Variants in SNX29 observed in about 807,000 individuals in gnomAD.
The protein encoded by SNX29 is sorting nexin 29, also known as sorting nexin-29.
Under a neutral mutation model 102.1 loss-of-function variants are expected in SNX29, and 78 were observed. The ratio of observed to expected loss-of-function variants is 0.76; its 90% CI spans 0.64 to 0.92. SNX29 has a LOEUF of 0.92. SNX29 is among the 40% of genes least tolerant of loss of function. SNX29 has a pLI of 0.00. For missense variants in SNX29, 1,280 were observed against 1,061.7 expected, an observed-to-expected ratio of 1.21 and a Z score of -2.86; for synonymous variants, 580 against 414.5, an observed-to-expected ratio of 1.40 and a Z score of -4.85.
intron 16 of SNX29, among the ~76,000 whole-genome samples, chr16:12,388,590 GTCTC>G (rs2083415105): frequency 1.3e-5 from 2 of 152,340 alleles, no homozygotes; most frequent in Middle Eastern, 3.4e-3. Context: ...GGGTCACGCT[GTCTC>G]TCTCACTGTT....
chr16:12,566,033 C>T (rs576298599), intron 20 of SNX29, among the ~76,000 whole-genome samples: 1 of 152,336 alleles, frequency 6.6e-6, no homozygotes, highest in African/African-American at 2.4e-5. Context: ...TGACACAGGT[C>T]ATGTGTTTGA....
intron 1 of SNX29, among the ~76,000 whole-genome samples, chr16:11,983,491 A>G (rs2055474720): frequency 1.3e-5 from 2 of 152,164 alleles, no homozygotes; most frequent in African/African-American, 2.4e-5. Context: ...GAATGAATGA[A>G]TGAAAAAAGA....
At chr16:12,441,036 G>A (rs1018494511) in intron 18 of SNX29, among the ~76,000 whole-genome samples, 3 of 150,622 alleles carry the variant, frequency 2.0e-5, no homozygotes, top group Admixed American at 2.0e-4. Flanking sequence ...CTTTCACTTA[G>A]CGTAATATCC....
At chr16:12,512,364 G>T in intron 19 of SNX29, among the ~76,000 whole-genome samples, 1 of 76,958 alleles carries the variant, frequency 1.3e-5, no homozygotes, top group East Asian at 3.3e-4. Context: ...GGAAGGCCCA[G>T]GGAAAATATA....
intron 15 of SNX29, among the ~76,000 whole-genome samples, chr16:12,327,946 G>C (rs1020536862): frequency 6.6e-6 from 1 of 152,142 alleles, no homozygotes; most frequent in African/African-American, 2.4e-5. Context: ...CATAATCTCC[G>C]TGTGGAGTTG....
intron 13 of SNX29, among the ~76,000 whole-genome samples, chr16:12,176,793 A>G (rs1338883504): frequency 3.3e-5 from 5 of 152,064 alleles, no homozygotes; most frequent in Non-Finnish European, 7.4e-5. Flanking sequence ...GCTACATCTG[A>G]GTGTTGCTAT....
At chr16:12,322,953 T>C (rs2080993782) in intron 15 of SNX29, among the ~76,000 whole-genome samples, 1 of 113,326 alleles carries the variant, frequency 8.8e-6, no homozygotes, top group African/African-American at 4.2e-5. Context: ...GTCACTGGAG[T>C]CACCGGGGAC....
intron 15 of SNX29, among the ~76,000 whole-genome samples, chr16:12,321,482 C>T (rs975521613): frequency 1.1e-4 from 16 of 152,200 alleles, no homozygotes; most frequent in African/African-American, 3.4e-4. Context: ...GGGCATATGA[C>T]GTCATCTGTC....
intron 16 of SNX29, among the ~76,000 whole-genome samples, chr16:12,387,059 A>G (rs2083365821): frequency 6.6e-6 from 1 of 152,094 alleles, no homozygotes; most frequent in Non-Finnish European, 1.5e-5. Flanking sequence ...TGGGAGGCAG[A>G]GGCTGCAGTG....
At chr16:12,170,343 G>A (rs2076117323) in intron 13 of SNX29, among the ~76,000 whole-genome samples, 2 of 152,042 alleles carry the variant, frequency 1.3e-5, no homozygotes, top group Admixed American at 1.3e-4. Context: ...GCTGGCGACT[G>A]GGGAGGCCGT....
At chr16:12,350,446 C>G (rs2081961659) in intron 15 of SNX29, among the ~76,000 whole-genome samples, 1 of 152,134 alleles carries the variant, frequency 6.6e-6, no homozygotes, top group South Asian at 2.1e-4. Context: ...ATAGAAGGTA[C>G]TGGAGTGCCC....
chr16:12,533,262 C>A (rs886247395), intron 20 of SNX29, among the ~76,000 whole-genome samples: 1 of 152,250 alleles, frequency 6.6e-6, no homozygotes, highest in Non-Finnish European at 1.5e-5. Flanking sequence ...CTGTGGAGTG[C>A]TTTGCAGAAT....
intron 13 of SNX29, among the ~76,000 whole-genome samples, chr16:12,154,731 G>T (rs892226693): frequency 6.6e-6 from 1 of 152,208 alleles, no homozygotes; most frequent in Non-Finnish European, 1.5e-5. Context: ...AGATCAAGGT[G>T]CCAGCAGATG....
intron 13 of SNX29, among the ~76,000 whole-genome samples, chr16:12,148,019 G>A (rs1204970367): frequency 6.6e-6 from 1 of 152,210 alleles, no homozygotes; most frequent in South Asian, 2.1e-4. Context: ...AGAGTTCGCT[G>A]AATTCGTACT....
chr16:12,236,289 T>C (rs941075717), intron 14 of SNX29, among the ~76,000 whole-genome samples: 2 of 152,126 alleles, frequency 1.3e-5, no homozygotes, highest in African/African-American at 4.8e-5. Flanking sequence ...AAAGCCTTCA[T>C]TTGAAGACCC....
intron 14 of SNX29, among the ~76,000 whole-genome samples, chr16:12,203,942 C>T (rs889256570): frequency 1.3e-5 from 2 of 152,182 alleles, no homozygotes; most frequent in African/African-American, 4.8e-5. Flanking sequence ...CCAGCGTCCT[C>T]CCTCACTGTC....
Position 12,477,797 on chromosome 16 carries a change from C to G in SNX29, c.2116C>G (p.Gln706Glu). Residue 706 changes from glutamine to glutamate, a missense_variant, in exon 19 of 21, where the codon CAA becomes GAA. Coordinates refer to ENST00000566228, the MANE Select transcript of SNX29 (RefSeq NM_032167.5). ...TEFRSLHHKL[Q>E]NKYPQVRAYN... is the part of the protein sequence containing the mutation. ...GTTCAGGAGTTTGCACCACAAGTTACAAAACAAGTACCCTCAAGTGAGGGC... is the reference window on the plus strand; with the variant it reads ...GTTCAGGAGTTTGCACCACAAGTTAGAAAACAAGTACCCTCAAGTGAGGGC... 1 of 1,613,416 alleles carries G rather than the reference C, an allele frequency of 6.2e-7. No homozygotes were observed. Among genetic ancestry groups the G allele is most frequent in the Non-Finnish European group, 8.5e-7 (1 of 1,179,702 alleles).
intron 15 of SNX29, among the ~76,000 whole-genome samples, chr16:12,294,331 G>A (rs912786608): frequency 2.0e-5 from 3 of 152,118 alleles, no homozygotes; most frequent in African/African-American, 7.2e-5. Flanking sequence ...TGCCTGTTTT[G>A]GGGACAGACA....
intron 13 of SNX29, among the ~76,000 whole-genome samples, chr16:12,176,401 G>C (rs1351804009): frequency 6.6e-6 from 1 of 152,148 alleles, no homozygotes; most frequent in African/African-American, 2.4e-5. Flanking sequence ...AATAGTGAAT[G>C]TTCCAGAAAC....
Sources: gnomAD v4.1 joint callset for allele counts (sites outside exome capture counted in the v4.1 genomes callset) on GRCh38, gnomAD v4.1.1 for gene constraint, MANE v1.5 for transcripts, NCBI Gene and HGNC (gene_info 2026-07-23, HGNC 2026-07-21) for gene names.